Variants in MPP7 observed in about 807,000 individuals in gnomAD.
The protein encoded by MPP7 is MAGUK p55 scaffold protein 7.
A neutral mutation model predicts 76.5 loss-of-function variants in MPP7; 60 were observed. That is an observed-to-expected ratio of 0.78 (90% confidence interval 0.64 to 0.97). MPP7 has a LOEUF of 0.97. MPP7 is among the 50% of genes least tolerant of loss of function. The pLI is 0.00. For missense variants in MPP7, 641 were observed against 694.0 expected (o/e 0.92, Z 0.86); for synonymous variants, 237 against 244.5 (o/e 0.97, Z 0.29).
chr10:28,177,391 C>T (rs1442967598), intron 3 of MPP7, among the ~76,000 whole-genome samples: 1 of 148,582 alleles, frequency 6.7e-6, no homozygotes, highest in East Asian at 2.0e-4. Flanking sequence ...CTGGGCAACG[C>T]AGTGAGACTC....
intron 3 of MPP7, among the ~76,000 whole-genome samples, chr10:28,200,858 T>C (rs1046345952): frequency 6.6e-6 from 1 of 152,174 alleles, no homozygotes; most frequent in African/African-American, 2.4e-5. Context: ...TTTGGAGGCA[T>C]GCTTATTTAA....
chr10:28,095,462 A>G (rs1853524965), intron 11 of MPP7, among the ~76,000 whole-genome samples: 1 of 152,126 alleles, frequency 6.6e-6, no homozygotes, highest in African/African-American at 2.4e-5. Flanking sequence ...CACACTTCAC[A>G]TGTCCTTCAA....
chr10:28,254,004 G>GAAAAAAAAAAAAAAAAAAAAA (rs199511617), intron 1 of MPP7, among the ~76,000 whole-genome samples: 1 of 92,334 alleles, frequency 1.1e-5, no homozygotes, highest in Non-Finnish European at 2.1e-5. Flanking sequence ...TCACAAAAAA[G>GAAAAAAAAAAAAAAAAAAAAA]AAAAAAAAAA....
intron 1 of MPP7, among the ~76,000 whole-genome samples, chr10:28,289,705 G>A (rs1840868475): frequency 6.6e-6 from 1 of 152,176 alleles, no homozygotes; most frequent in African/African-American, 2.4e-5. Context: ...CTGGGCTTTG[G>A]GTGGAGAAAT....
At chr10:28,320,395 G>T (rs1293273582) in intron 2 of MPP7, among the ~76,000 whole-genome samples, 2 of 117,998 alleles carry the variant, frequency 1.7e-5, no homozygotes, top group African/African-American at 3.5e-5. Context: ...ATCAATAGAA[G>T]TTACTGAAGA....
intron 1 of MPP7, among the ~76,000 whole-genome samples, chr10:28,271,671 G>C (rs1347716710): frequency 6.6e-6 from 1 of 152,088 alleles, no homozygotes; most frequent in African/African-American, 2.4e-5. Context: ...TGCAGTCTAA[G>C]GGCAATTAAA....
chr10:28,330,689 C>T (rs1449268264), intron 1 of MPP7, among the ~76,000 whole-genome samples: 2 of 152,132 alleles, frequency 1.3e-5, no homozygotes, highest in Non-Finnish European at 1.5e-5. Context: ...GGATCTTGCT[C>T]TGTCACCCAG....
chr10:28,283,527 T>C (rs1376083972), intron 1 of MPP7, among the ~76,000 whole-genome samples: 1 of 151,964 alleles, frequency 6.6e-6, no homozygotes, highest in Non-Finnish European at 1.5e-5. Context: ...AGCTTTTGTT[T>C]TTTGTGAGAC....
At chr10:28,232,496 G>A (rs1838922303) in intron 2 of MPP7, among the ~76,000 whole-genome samples, 2 of 151,998 alleles carry the variant, frequency 1.3e-5, no homozygotes, top group Admixed American at 1.3e-4. Flanking sequence ...AAATATAGAA[G>A]AAAAAGCTTT....
chr10:28,203,779 T>C (rs7893311), intron 2 of MPP7, among the ~76,000 whole-genome samples: 26,666 of 152,162 alleles, frequency 0.18, 2,972 homozygotes, highest in East Asian at 0.56. Context: ...TTATTATTGA[T>C]TTGGGGAGTT....
chr10:28,110,105 T>A (rs1206227149), intron 11 of MPP7, among the ~76,000 whole-genome samples: 1 of 151,680 alleles, frequency 6.6e-6, no homozygotes, highest in African/African-American at 2.4e-5. Flanking sequence ...TTCTTTTTTT[T>A]TTTGAGATGG....
chr10:28,220,137 A>T (rs1838450377), intron 2 of MPP7, among the ~76,000 whole-genome samples: 1 of 152,016 alleles, frequency 6.6e-6, no homozygotes, highest in Non-Finnish European at 1.5e-5. Flanking sequence ...GTGAGTTAAC[A>T]GGGGAACATG....
At chr10:28,234,132 G>A (rs926664457) in intron 2 of MPP7, among the ~76,000 whole-genome samples, 6 of 152,130 alleles carry the variant, frequency 3.9e-5, no homozygotes, top group African/African-American at 1.4e-4. Flanking sequence ...TAGGACTGGG[G>A]CAGGAAATAC....
At chr10:28,246,578 T>C (rs1839441996) in intron 1 of MPP7, among the ~76,000 whole-genome samples, 2 of 152,190 alleles carry the variant, frequency 1.3e-5, no homozygotes, top group African/African-American at 4.8e-5. Flanking sequence ...CATAAATCAC[T>C]TTTAATTCTT....
At chr10:28,161,154 T>C (rs745383615) in intron 3 of MPP7, among the ~76,000 whole-genome samples, 1 of 152,168 alleles carries the variant, frequency 6.6e-6, no homozygotes, top group Non-Finnish European at 1.5e-5. Flanking sequence ...TTCAAAATCG[T>C]CCTTTCACAC....
At chr10:28,313,467 C>T (rs1027403157) in intron 2 of MPP7, among the ~76,000 whole-genome samples, 5 of 152,056 alleles carry the variant, frequency 3.3e-5, no homozygotes, top group Admixed American at 2.0e-4. Flanking sequence ...GATTACACCA[C>T]TGCACTCCAG....
At chr10:28,076,949 A>T (rs1852517051) in intron 12 of MPP7, among the ~76,000 whole-genome samples, 2 of 152,042 alleles carry the variant, frequency 1.3e-5, no homozygotes, top group African/African-American at 4.8e-5. Context: ...GACAACTAGA[A>T]CTACAGGAAG....
rs869206744 is a variant in MPP7, at chr10:28,109,848, CAAAAAAA to C, written c.952+9796_952+9802del. The stretch of plus-strand genomic sequence containing the variant: ...ACAGTTAGAAGGCCAGCCGCAGACG[CAAAAAAA>C]AAAAAAAAAAAAAAAAAACACTTAA... On this transcript the variant is annotated intron_variant, in intron 11 of 16. Transcript: ENST00000683449. Among the ~76,000 whole-genome samples the C allele has an allele frequency of 0.021, 412 of 19,236 alleles. 21 individuals carry two copies. In the East Asian group the frequency reaches 0.29, roughly 13 times the overall value. 12.6% of individuals were successfully genotyped at this position (19,236 alleles called of 152,430 possible).
chr10:28,168,518 C>T (rs912919860), intron 3 of MPP7, among the ~76,000 whole-genome samples: 14 of 151,922 alleles, frequency 9.2e-5, no homozygotes, highest in Admixed American at 4.6e-4. Context: ...TTTTACCTCA[C>T]CTTCTTTTTT....
Sources: gnomAD v4.1 joint callset for allele counts (sites outside exome capture counted in the v4.1 genomes callset) on GRCh38, gnomAD v4.1.1 for gene constraint, MANE v1.5 for transcripts, NCBI Gene and HGNC (gene_info 2026-07-23, HGNC 2026-07-21) for gene names.